Variants in TTLL5 observed in about 807,000 individuals in gnomAD.
The protein encoded by TTLL5 is tubulin tyrosine ligase like 5, also known as tubulin polyglutamylase TTLL5.
A neutral mutation model predicts 168.4 loss-of-function variants in TTLL5; 132 were observed. The ratio of observed to expected loss-of-function variants is 0.78; its 90% CI spans 0.68 to 0.91. The LOEUF is 0.91. TTLL5 is among the 40% of genes least tolerant of loss of function. TTLL5 has a pLI of 0.00. For synonymous variants in TTLL5, 546 were observed against 558.6 expected, an observed-to-expected ratio of 0.98 and a Z score of 0.32; for missense variants, 1,545 against 1,581.5, an observed-to-expected ratio of 0.98 and a Z score of 0.39.
At chr14:75,896,394 G>A (rs1450769288) in intron 30 of TTLL5, among the ~76,000 whole-genome samples, 1 of 152,128 alleles carries the variant, frequency 6.6e-6, no homozygotes, top group African/African-American at 2.4e-5. Context: ...AGGTTTGGGG[G>A]TGTTTGTTTT....
At chr14:75,904,694 A>G (rs1393703097) in intron 31 of TTLL5, among the ~76,000 whole-genome samples, 1 of 152,150 alleles carries the variant, frequency 6.6e-6, no homozygotes, top group East Asian at 1.9e-4. Context: ...TTCCCTGCTA[A>G]TTCTACTTTA....
At chr14:75,892,668 G>T (rs2032459850) in intron 30 of TTLL5, among the ~76,000 whole-genome samples, 1 of 152,186 alleles carries the variant, frequency 6.6e-6, no homozygotes, top group African/African-American at 2.4e-5. Context: ...TAGTGGCAAG[G>T]TTGAAAACCC....
At chr14:75,849,432 A>G (rs1441016629) in intron 28 of TTLL5, among the ~76,000 whole-genome samples, 1 of 152,224 alleles carries the variant, frequency 6.6e-6, no homozygotes, top group African/African-American at 2.4e-5. Flanking sequence ...TGTGATAGTG[A>G]TTCAGTAGAT....
chr14:75,898,641 C>G (rs1013439825), intron 30 of TTLL5, among the ~76,000 whole-genome samples: 3 of 151,950 alleles, frequency 2.0e-5, no homozygotes, highest in Admixed American at 6.6e-5. Context: ...GACCCTGTCT[C>G]AAAAAAGTAA....
intron 31 of TTLL5, among the ~76,000 whole-genome samples, chr14:75,933,951 C>T (rs2034356178): frequency 6.6e-6 from 1 of 152,178 alleles, no homozygotes; most frequent in Non-Finnish European, 1.5e-5. Flanking sequence ...ACCAAACCAG[C>T]CAGCACCTCC....
chr14:75,943,423 A>G (rs2034673789), intron 31 of TTLL5, among the ~76,000 whole-genome samples: 1 of 152,190 alleles, frequency 6.6e-6, no homozygotes, highest in Non-Finnish European at 1.5e-5. Context: ...ATAACTGGCT[A>G]TCTGGAAACT....
chr14:75,913,886 C>T (rs923830550), intron 31 of TTLL5, among the ~76,000 whole-genome samples: 16 of 151,106 alleles, frequency 1.1e-4, no homozygotes, highest in Non-Finnish European at 1.9e-4. Flanking sequence ...TGGTGGCACA[C>T]GTCTTTAGCA....
intron 5 of TTLL5, among the ~76,000 whole-genome samples, chr14:75,687,515 C>A (rs1032697793): frequency 6.6e-6 from 1 of 152,026 alleles, no homozygotes; most frequent in Non-Finnish European, 1.5e-5. Flanking sequence ...CTCAAATGAT[C>A]CACCTGCCTC....
At chr14:75,711,290 G>A (rs568103355) in intron 9 of TTLL5, 9 of 152,210 alleles carry the variant, frequency 5.9e-5, no homozygotes, top group East Asian at 3.9e-4. Flanking sequence ...TTTTACTTGC[G>A]TGTTGCTGTT....
At chr14:75,687,213 A>G (rs1885127579) in intron 5 of TTLL5, among the ~76,000 whole-genome samples, 1 of 152,356 alleles carries the variant, frequency 6.6e-6, no homozygotes, top group South Asian at 2.1e-4. Context: ...TGTTAGACAA[A>G]GGATTCCTAG....
At chr14:75,762,256 G>A (rs1184405180) in intron 18 of TTLL5, among the ~76,000 whole-genome samples, 1 of 152,038 alleles carries the variant, frequency 6.6e-6, no homozygotes, top group Admixed American at 6.5e-5. Flanking sequence ...TTAGCCAGGC[G>A]TGGTGGCACA....
intron 31 of TTLL5, among the ~76,000 whole-genome samples, chr14:75,944,810 T>G (rs1156637429): frequency 6.6e-6 from 1 of 152,214 alleles, no homozygotes; most frequent in Non-Finnish European, 1.5e-5. Flanking sequence ...ATTAGTAGCT[T>G]CCTGATAAGA....
chr14:75,720,655 A>C lies in TTLL5; in HGVS notation c.994A>C (p.Ile332Leu). Residue 332 changes from isoleucine to leucine, a missense_variant, in exon 12 of 32, where the codon ATT (isoleucine) becomes CTT (leucine). Transcript: ENST00000298832. Reference protein sequence around the residue: ...IKTIISAELAIATACKTFVPH... With the variant: ...IKTIISAELALATACKTFVPH... ...GACTATAATCTCTGCTGAACTAGCT[A>C]TTGCTACTGCCTGTAAAACCTTTGT... 4 of 1,613,712 alleles carry C rather than the reference A, an allele frequency of 2.5e-6. No homozygotes were observed. The highest frequency in any genetic ancestry group is 3.4e-6 in the Non-Finnish European group (4 of 1,179,678).
chr14:75,794,075 C>CA (rs1555346314), intron 27 of TTLL5, among the ~76,000 whole-genome samples: 1 of 152,172 alleles, frequency 6.6e-6, no homozygotes, highest in Non-Finnish European at 1.5e-5. Context: ...CTAAGCCTCT[C>CA]ATGGAATTAG....
At position 75,717,871 on chromosome 14, in the gene TTLL5, G is replaced by A. The variant is rs1443627592; in HGVS notation, c.751G>A (p.Val251Met). The change falls in exon 10 of 32, where the codon GTG (valine) becomes ATG (methionine). Residue 251 changes from valine to methionine, a missense_variant. By Grantham distance (21) the Val-to-Met change is conservative. Coordinates refer to ENST00000298832, the MANE Select transcript of TTLL5 (RefSeq NM_015072.5). ...YEEGLARFAT[V>M]RYDQGAKNIR... is the part of the protein sequence containing the mutation. ...TTTCCCTTCTATCAGGTTTGCAACT[G>A]TGCGATATGATCAAGGAGCCAAGAA... 1.9e-6 allele frequency: 3 copies of A among 1,613,670 alleles called. No individual in the cohort carries two copies. The highest frequency in any genetic ancestry group is 1.1e-5 in the South Asian group (1 of 91,078).
At chr14:75,723,654 G>A (rs952836221) in intron 12 of TTLL5, among the ~76,000 whole-genome samples, 4 of 152,020 alleles carry the variant, frequency 2.6e-5, no homozygotes, top group African/African-American at 9.7e-5. Flanking sequence ...TTGGAAGCTT[G>A]GGAGCTTCAT....
chr14:75,761,126 T>G (rs1299514350), intron 18 of TTLL5, among the ~76,000 whole-genome samples: 1 of 152,156 alleles, frequency 6.6e-6, no homozygotes, highest in Non-Finnish European at 1.5e-5. Context: ...AATATGCTTA[T>G]GAAAATGTGC....
chr14:75,860,598 C>T (rs191966289), intron 28 of TTLL5, among the ~76,000 whole-genome samples: 12 of 152,304 alleles, frequency 7.9e-5, no homozygotes, highest in African/African-American at 2.9e-4. Context: ...AAAGCAGCAC[C>T]TGCCCTAATT....
chr14:75,706,920 C>A, intron 7 of TTLL5, 98 bp from the exon 8 acceptor site: 2 of 1,071,416 alleles, frequency 1.9e-6, no homozygotes, highest in South Asian at 1.4e-5. Flanking sequence ...TAGTTTTCCA[C>A]CTTACCATTT....
Sources: allele counts gnomAD v4.1 joint callset (sites outside exome capture counted in the v4.1 genomes callset), GRCh38; gene constraint gnomAD v4.1.1; transcripts MANE v1.5; gene names NCBI Gene and HGNC (gene_info 2026-07-23, HGNC 2026-07-21).